Variants in NCOA1 observed in about 807,000 individuals in gnomAD.
NCOA1 encodes the protein nuclear receptor coactivator 1, also known as Hin-2 protein.
NCOA1 carries 35 observed loss-of-function variants against 150.9 expected under a neutral mutation model. The observed-to-expected ratio is 0.23, with a 90% CI of 0.18 to 0.31. NCOA1 has a LOEUF of 0.31. Among genes scored for constraint, NCOA1 ranks in the 10% least tolerant of loss-of-function variants. The pLI is 1.00. For synonymous variants in NCOA1, 590 were observed against 630.0 expected (o/e 0.94, Z 0.95); for missense variants, 1,491 against 1,749.3 (o/e 0.85, Z 2.63).
At chr2:24,601,546 TC>T (rs1283980793) in intron 3 of NCOA1, among the ~76,000 whole-genome samples, 1 of 151,692 alleles carries the variant, frequency 6.6e-6, no homozygotes, top group Non-Finnish European at 1.5e-5. Flanking sequence ...CACATCTTTT[TC>T]TGACAGTTTT....
At chr2:24,682,511 C>T (rs1271066700) in intron 7 of NCOA1, among the ~76,000 whole-genome samples, 1 of 152,114 alleles carries the variant, frequency 6.6e-6, no homozygotes, top group African/African-American at 2.4e-5. Flanking sequence ...ATAGGAAGCC[C>T]CTGTGATTTG....
chr2:24,525,573 G>A (rs1440917183), intron 1 of NCOA1, among the ~76,000 whole-genome samples: 7 of 147,548 alleles, frequency 4.7e-5, no homozygotes, highest in African/African-American at 1.5e-4. Context: ...TTTTGAGACA[G>A]TCTTGCTCTG....
intron 1 of NCOA1, among the ~76,000 whole-genome samples, chr2:24,516,500 T>A (rs1270971276): frequency 2.0e-5 from 3 of 151,846 alleles, no homozygotes; most frequent in Non-Finnish European, 4.4e-5. Context: ...CCCGCCTTTT[T>A]TTTTTAATTG....
At chr2:24,646,021 A>C (rs1472644096) in intron 4 of NCOA1, among the ~76,000 whole-genome samples, 2 of 152,184 alleles carry the variant, frequency 1.3e-5, no homozygotes, top group African/African-American at 2.4e-5. Context: ...AATTGATAGA[A>C]TAATGCAGTG....
chr2:24,636,259 T>G (rs1669935260), intron 3 of NCOA1, among the ~76,000 whole-genome samples: 1 of 152,198 alleles, frequency 6.6e-6, no homozygotes, highest in African/African-American at 2.4e-5. Context: ...TTTAGATCTC[T>G]TTTTGTGTCT....
chr2:24,586,312 C>T lies in NCOA1; in HGVS notation c.-175+1752C>T, dbSNP rs533401728. Among the ~76,000 whole-genome samples the T allele has an allele frequency of 5.9e-4, 88 of 149,674 alleles. 1 individual carries two copies. The highest frequency in any genetic ancestry group is 1.5e-3 in the South Asian group (7 of 4,710). On this transcript the variant is annotated intron_variant, in intron 3 of 22. Transcript: ENST00000348332. Reference sequence around the variant, plus strand: ...AAAAAAAAAAAAAAAATTAGCTGGGCCGGTGATGTGCGCCTGTGGTCCCAG... The same window carrying T: ...AAAAAAAAAAAAAAAATTAGCTGGGTCGGTGATGTGCGCCTGTGGTCCCAG...
intron 20 of NCOA1, 116 bp from the exon 21 acceptor site, chr2:24,757,857 T>TA (rs1664576015): frequency 1.4e-5 from 12 of 873,444 alleles, no homozygotes; most frequent in Non-Finnish European, 2.1e-5. Context: ...TTTAAGAAGT[T>TA]ACAGTCATAC....
intron 3 of NCOA1, among the ~76,000 whole-genome samples, chr2:24,587,406 C>G (rs1028437319): frequency 3.3e-5 from 5 of 151,158 alleles, no homozygotes; most frequent in Admixed American, 3.3e-4. Flanking sequence ...AGTATTCTGC[C>G]CAGAGTTTTT....
rs56160493 is a variant in NCOA1 at position 24,727,373 on chromosome 2, T to C, written c.2717+667T>C. Among the ~76,000 whole-genome samples the C allele has an allele frequency of 6.4e-3, 979 of 152,282 alleles. 13 individuals are homozygous for C. Among genetic ancestry groups the C allele is most frequent in the African/African-American group, 0.022 (899 of 41,558 alleles). On this transcript the variant is annotated intron_variant, in intron 15 of 22. Transcript: ENST00000348332. ...CAATAATTATATTGCTCTTGAACTT[T>C]TAGTTATATTATTATTTTGTCCAGC...
intron 1 of NCOA1, among the ~76,000 whole-genome samples, chr2:24,502,296 A>G (rs144263034): frequency 1.9e-3 from 286 of 152,270 alleles, no homozygotes; most frequent in Non-Finnish European, 3.3e-3. Context: ...TTAGAGTCTG[A>G]TTTGACATAT....
At chr2:24,728,995 G>A (rs1201088392) in intron 16 of NCOA1, among the ~76,000 whole-genome samples, 3 of 152,202 alleles carry the variant, frequency 2.0e-5, no homozygotes, top group Admixed American at 6.5e-5. Flanking sequence ...ACAAGCACAC[G>A]CGCACGCGCG....
chr2:24,640,343 C>A, intron 3 of NCOA1, among the ~76,000 whole-genome samples: 1 of 152,110 alleles, frequency 6.6e-6, no homozygotes, highest in Admixed American at 6.5e-5. Flanking sequence ...AGCTAGTCAT[C>A]ACTCTTCTTC....
Position 24,639,441 on chromosome 2 carries a change from A to G in NCOA1, c.-174-4525A>G, listed in dbSNP as rs544815196. On this transcript the variant is annotated intron_variant, in intron 3 of 22. Transcript: ENST00000348332. The stretch of plus-strand genomic sequence containing the variant: ...TGTGTTTTTAACTTTTTCTTGATCA[A>G]TCTTGCTAAAGTTTTATCAATTTTT... Among the ~76,000 whole-genome samples the G allele has an allele frequency of 2.1e-3, 313 of 152,086 alleles. 3 individuals are homozygous for G. The highest frequency in any genetic ancestry group is 7.1e-3 in the African/African-American group (293 of 41,476).
chr2:24,505,330 C>T (rs1252717537), intron 1 of NCOA1, among the ~76,000 whole-genome samples: 1 of 151,994 alleles, frequency 6.6e-6, no homozygotes, highest in Non-Finnish European at 1.5e-5. Context: ...CAGGCATGTG[C>T]CACCATGCCT....
intron 1 of NCOA1, among the ~76,000 whole-genome samples, chr2:24,511,656 C>A (rs1189602886): frequency 2.6e-5 from 4 of 151,706 alleles, no homozygotes; most frequent in South Asian, 4.2e-4. Context: ...CAAATATATT[C>A]TCCCATCCTG....
intron 18 of NCOA1, 151 bp downstream of exon 18, chr2:24,739,684 A>G: frequency 1.8e-6 from 1 of 547,770 alleles, no homozygotes; most frequent in Non-Finnish European, 3.2e-6. Context: ...TTAATAATCT[A>G]CTTTTGATAC....
chr2:24,735,308 T>C (rs969396940), intron 17 of NCOA1, among the ~76,000 whole-genome samples: 1 of 152,136 alleles, frequency 6.6e-6, no homozygotes, highest in Admixed American at 6.5e-5. Context: ...ATTCATAATA[T>C]ATTTACCTCA....
chr2:24,615,370 G>A (rs1267745129), intron 3 of NCOA1, among the ~76,000 whole-genome samples: 1 of 152,074 alleles, frequency 6.6e-6, no homozygotes, highest in African/African-American at 2.4e-5. Context: ...TGGTAAAGGA[G>A]GATAACTATT....
chr2:24,698,516 T>G (rs766208995), intron 11 of NCOA1, among the ~76,000 whole-genome samples: 23 of 152,170 alleles, frequency 1.5e-4, no homozygotes, highest in Non-Finnish European at 2.8e-4. Context: ...CTTAAGAAAC[T>G]TAACAGTACT....
Sources: allele counts gnomAD v4.1 joint callset (sites outside exome capture counted in the v4.1 genomes callset), GRCh38; gene constraint gnomAD v4.1.1; transcripts MANE v1.5; gene names NCBI Gene and HGNC (gene_info 2026-07-23, HGNC 2026-07-21).